The following OR9Q1 variants were observed in gnomAD, a reference collection of about 807,000 sequenced individuals.
OR9Q1 encodes olfactory receptor family 9 subfamily Q member 1.
For synonymous variants in OR9Q1, 153 were observed against 148.6 expected, an observed-to-expected ratio of 1.03 and a Z score of -0.22; for missense variants, 374 against 378.8, an observed-to-expected ratio of 0.99 and a Z score of 0.11.
At chr11:58,103,564 T>TTG (rs1385677867) in intron 2 of OR9Q1, among the ~76,000 whole-genome samples, 2 of 152,232 alleles carry the variant, frequency 1.3e-5, no homozygotes, top group African/African-American at 4.8e-5. Flanking sequence ...GATTAATATT[T>TTG]TGTTTTTTTT....
chr11:58,158,959 C>A (rs1296038947), intron 2 of OR9Q1, among the ~76,000 whole-genome samples: 1 of 152,158 alleles, frequency 6.6e-6, no homozygotes, highest in Non-Finnish European at 1.5e-5. Flanking sequence ...ATAAGTAGTG[C>A]TTTCTTAACT....
chr11:58,059,428 G>C (rs965615703), intron 2 of OR9Q1, among the ~76,000 whole-genome samples: 1 of 152,082 alleles, frequency 6.6e-6, no homozygotes, highest in Non-Finnish European at 1.5e-5. Flanking sequence ...GGGCACAGTG[G>C]CTCATGCCTG....
intron 1 of OR9Q1, among the ~76,000 whole-genome samples, chr11:58,030,193 A>T (rs570145328): frequency 6.6e-6 from 1 of 152,244 alleles, no homozygotes; most frequent in South Asian, 2.1e-4. Context: ...AGGGGTAAAA[A>T]GAATAGCATT....
chr11:58,109,372 C>A (rs201677785), intron 2 of OR9Q1: 1 of 458,922 alleles, frequency 2.2e-6, no homozygotes, highest in Non-Finnish European at 4.4e-6. Flanking sequence ...CTGCACAGCA[C>A]GGCAGCCATA....
At chr11:58,162,449 G>A (rs568977917) in intron 2 of OR9Q1, among the ~76,000 whole-genome samples, 1 of 152,288 alleles carries the variant, frequency 6.6e-6, no homozygotes. Context: ...ATAGGAGGGA[G>A]CCTTGTATTG....
At chr11:58,156,352 G>T (rs888601233) in intron 2 of OR9Q1, among the ~76,000 whole-genome samples, 4 of 152,170 alleles carry the variant, frequency 2.6e-5, no homozygotes, top group African/African-American at 9.7e-5. Flanking sequence ...GCAGAACCAT[G>T]AGACAGTGTG....
intron 2 of OR9Q1, among the ~76,000 whole-genome samples, chr11:58,112,296 G>GA (rs924746837): frequency 1.6e-4 from 13 of 80,212 alleles, no homozygotes; most frequent in African/African-American, 2.2e-4. Context: ...TCGTCTCAAA[G>GA]AAAAAAAAAA....
At chr11:58,122,994 T>A (rs1854050653) in intron 2 of OR9Q1, among the ~76,000 whole-genome samples, 1 of 152,090 alleles carries the variant, frequency 6.6e-6, no homozygotes, top group African/African-American at 2.4e-5. Flanking sequence ...ATGGTCTTGC[T>A]TGGTATGCTT....
intron 2 of OR9Q1, among the ~76,000 whole-genome samples, chr11:58,161,252 AAAAG>A (rs1202162976): frequency 4.6e-5 from 7 of 150,790 alleles, no homozygotes; most frequent in East Asian, 1.9e-4. Context: ...AAAAAAAAAA[AAAAG>A]AAAAGAGTTA....
At chr11:58,093,814 C>G (rs915616592) in intron 2 of OR9Q1, among the ~76,000 whole-genome samples, 1 of 145,388 alleles carries the variant, frequency 6.9e-6, no homozygotes, top group Admixed American at 6.9e-5. Context: ...GGCAAGGGTG[C>G]AGAGAAAAGG....
At chr11:58,159,229 A>C (rs928908644) in intron 2 of OR9Q1, among the ~76,000 whole-genome samples, 5 of 152,216 alleles carry the variant, frequency 3.3e-5, no homozygotes, top group African/African-American at 1.2e-4. Flanking sequence ...GCTGGCAAAT[A>C]AATTGGTGAA....
In OR9Q1 at chr11:58,179,474, C is replaced by T. The variant is rs181221602; in HGVS notation, c.30C>T (p.Thr10=). The T allele has an allele frequency of 4.0e-5, 63 of 1,575,622 alleles. No individual in the cohort carries two copies. The highest frequency in any genetic ancestry group is 5.4e-5 in the African/African-American group (4 of 74,080). The change falls in exon 3 of 3, where the codon ACC becomes ACT. Residue 10 remains threonine (T), a synonymous_variant. Coordinates refer to ENST00000335397, the MANE Select transcript of OR9Q1 (RefSeq NM_001005212.4). The stretch of plus-strand genomic sequence containing the variant: ...CAGAGATGAACCTCACCTTGGTGAC[C>T]GAGTTCCTCCTTATTGCATTCACTG... MAEMNLTLV[T]EFLLIAFTEY...
intron 2 of OR9Q1, chr11:58,109,661 T>C (rs778473515): frequency 2.9e-5 from 13 of 451,248 alleles, no homozygotes; most frequent in Non-Finnish European, 4.9e-5. Flanking sequence ...CTTTTGGCCA[T>C]AGGCTCAATA....
At chr11:58,083,934 C>T (rs1235687186) in intron 2 of OR9Q1, among the ~76,000 whole-genome samples, 1 of 151,764 alleles carries the variant, frequency 6.6e-6, no homozygotes. Flanking sequence ...ATTGCTTTGA[C>T]CATTTGGTCT....
chr11:58,149,152 C>T (rs1264830383), intron 2 of OR9Q1, among the ~76,000 whole-genome samples: 2 of 152,164 alleles, frequency 1.3e-5, no homozygotes, highest in South Asian at 4.1e-4. Context: ...TCTAATTCTA[C>T]CCTTACTAAA....
intron 2 of OR9Q1, among the ~76,000 whole-genome samples, chr11:58,070,527 G>T (rs1853477724): frequency 6.6e-6 from 1 of 152,108 alleles, no homozygotes; most frequent in South Asian, 2.1e-4. Flanking sequence ...GGAACTCACT[G>T]GTCTCATGTG....
intron 1 of OR9Q1, among the ~76,000 whole-genome samples, chr11:58,034,842 T>TCCTTCC (rs1853085218): frequency 1.2e-5 from 1 of 82,192 alleles, no homozygotes. Context: ...TCCTTCATTT[T>TCCTTCC]TTTTTTTTAG....
intron 2 of OR9Q1, among the ~76,000 whole-genome samples, chr11:58,164,687 C>T (rs922968619): frequency 1.5e-4 from 23 of 152,122 alleles, no homozygotes; most frequent in East Asian, 3.8e-4. Flanking sequence ...AACATTCTCT[C>T]GGTAGTCCAA....
intron 2 of OR9Q1, among the ~76,000 whole-genome samples, chr11:58,121,831 C>T (rs1202015783): frequency 1.3e-5 from 2 of 152,154 alleles, no homozygotes; most frequent in East Asian, 3.8e-4. Context: ...TTTCTACCTT[C>T]TTTCATACAT....
Sources: allele counts gnomAD v4.1 joint callset (sites outside exome capture counted in the v4.1 genomes callset), GRCh38; gene constraint gnomAD v4.1.1; transcripts MANE v1.5; gene names NCBI Gene and HGNC (gene_info 2026-07-23, HGNC 2026-07-21).